The following WASF1 variants were observed in gnomAD, a reference collection of about 807,000 sequenced individuals.
WASF1 encodes actin-binding protein WASF1.
WASF1 carries 7 observed loss-of-function variants against 50.5 expected under a neutral mutation model. The observed-to-expected ratio is 0.14, with a 90% CI of 0.08 to 0.26. WASF1 has a LOEUF of 0.26. Ranked by LOEUF, WASF1 falls within the 10% of genes least tolerant of loss-of-function variation. The pLI, the probability that WASF1 is intolerant of heterozygous loss-of-function variation, is 1.00. For synonymous variants in WASF1, 205 were observed against 244.0 expected (o/e 0.84, Z 1.49); for missense variants, 470 against 694.7 (o/e 0.68, Z 3.64).
chr6:110,146,293 C>G (rs1307897676), intron 3 of WASF1, among the ~76,000 whole-genome samples: 1 of 151,972 alleles, frequency 6.6e-6, no homozygotes, highest in Non-Finnish European at 1.5e-5. Flanking sequence ...AGGGCAAATA[C>G]TTATTAAGAA....
chr6:110,175,936 A>C (rs1471806677), intron 2 of WASF1, among the ~76,000 whole-genome samples: 7 of 152,110 alleles, frequency 4.6e-5, no homozygotes, highest in African/African-American at 9.7e-5. Flanking sequence ...TAATTTTATA[A>C]TTTCTTTAGT....
intron 2 of WASF1, among the ~76,000 whole-genome samples, chr6:110,165,931 T>C (rs1041617157): frequency 1.3e-5 from 2 of 151,734 alleles, no homozygotes; most frequent in African/African-American, 4.8e-5. Context: ...GCAAGATGCA[T>C]GAATTCCAGG....
chr6:110,111,436 C>T (rs1354215050), intron 5 of WASF1, among the ~76,000 whole-genome samples: 2 of 150,648 alleles, frequency 1.3e-5, no homozygotes, highest in Non-Finnish European at 3.0e-5. Flanking sequence ...GGATTTAGAT[C>T]CAGAATATAC....
chr6:110,130,314 G>T (rs192324267), intron 3 of WASF1, among the ~76,000 whole-genome samples: 51 of 152,012 alleles, frequency 3.4e-4, no homozygotes, highest in Non-Finnish European at 6.8e-4. Flanking sequence ...GCCAGAACCC[G>T]TCCACTTTGG....
In WASF1 at chr6:110,105,481, C is replaced by T; in HGVS notation, c.639G>A (p.Leu213=). ...EWQKLAQGPE[L]AEDDANLLHK... ...GTAAGAGATTAGCATCATCTTCAGC[C>T]AGCTCTGGACCTTGGGCCAGCTTCT... Residue 213 remains leucine, a synonymous_variant, in exon 8 of 11, where the codon CTG becomes CTA. Coordinates refer to ENST00000392589, the MANE Select transcript of WASF1 (RefSeq NM_003931.3). The T allele has an allele frequency of 6.2e-7, 1 of 1,614,040 alleles. No homozygotes were observed. The highest frequency in any genetic ancestry group is 1.1e-5 in the South Asian group (1 of 91,074).
At chr6:110,149,178 G>T (rs180957577) in intron 3 of WASF1, among the ~76,000 whole-genome samples, 1 of 152,262 alleles carries the variant, frequency 6.6e-6, no homozygotes, top group African/African-American at 2.4e-5. Context: ...GAAAGCAAGA[G>T]AACATTTAGT....
chr6:110,161,303 A>G (rs1776252852), intron 2 of WASF1, among the ~76,000 whole-genome samples: 1 of 151,632 alleles, frequency 6.6e-6, no homozygotes, highest in Admixed American at 6.6e-5. Context: ...TCTTATTTAG[A>G]AGAAAACATA....
Position 110,107,086 on chromosome 6 carries a change from C to T in WASF1, c.531G>A (p.Arg177=). 6.3e-7 allele frequency: 1 copy of T among 1,597,256 alleles called. No individual in the cohort carries two copies. The highest frequency in any genetic ancestry group is 1.1e-5 in the South Asian group (1 of 87,892). ...QDTEDKRKEK[R]KQKQKNLDRP... ...TAATCTCTTGTAATACCTTCTGCTT[C>T]CTCTTTTCCTTCCTCTTATCCTCTG... is the stretch of plus-strand genomic sequence containing the variant. Residue 177 remains arginine, a synonymous_variant, in exon 7 of 11, where the codon AGG becomes AGA. Coordinates refer to ENST00000392589, the MANE Select transcript of WASF1 (RefSeq NM_003931.3).
At chr6:110,175,539 G>A (rs1776893109) in intron 2 of WASF1, among the ~76,000 whole-genome samples, 1 of 152,100 alleles carries the variant, frequency 6.6e-6, no homozygotes, top group African/African-American at 2.4e-5. Flanking sequence ...GAAAAAAAGG[G>A]GGTTACACCA....
intron 3 of WASF1, among the ~76,000 whole-genome samples, chr6:110,149,309 TCG>T (rs2114575935): frequency 6.6e-6 from 1 of 152,116 alleles, no homozygotes; most frequent in African/African-American, 2.4e-5. Context: ...ATTGCTTTGT[TCG>T]CCTACATCGT....
chr6:110,127,484 G>T lies in WASF1; in HGVS notation c.118C>A (p.Gln40Lys). 1 of 1,601,608 alleles carries T rather than the reference G, an allele frequency of 6.2e-7. No individual in the cohort carries two copies. The highest frequency in any genetic ancestry group is 8.5e-7 in the Non-Finnish European group (1 of 1,174,422). The change falls in exon 4 of 11, where the codon CAA (glutamine) becomes AAA (lysine). Residue 40 changes from glutamine (Q) to lysine (K), a missense_variant. Physicochemically the swap from Gln to Lys is moderately conservative, Grantham distance 53. This residue lies in a region of WASF1 where 140 missense variants were observed against 260.5 expected (regional missense o/e 0.54). Transcript: ENST00000392589. ...TNISLANIIR[Q>K]LSSLSKYAED... ...ATATACTTACTTAGGCTACTTAGTT[G>T]TCTAATTATATTTGCCAAGGAAATA...
chr6:110,142,303 G>A (rs1203683321), intron 3 of WASF1, among the ~76,000 whole-genome samples: 1 of 150,960 alleles, frequency 6.6e-6, no homozygotes, highest in Admixed American at 6.6e-5. Context: ...TATCCAAATC[G>A]CAAAAGAAAA....
chr6:110,105,636 A>G, intron 7 of WASF1, 57 bp from the exon 8 acceptor site: 3 of 1,523,496 alleles, frequency 2.0e-6, no homozygotes, highest in Middle Eastern at 1.7e-4. Flanking sequence ...TTTAAAAAGG[A>G]GGTTATAACA....
intron 4 of WASF1, among the ~76,000 whole-genome samples, chr6:110,124,225 T>TCTCC (rs1562170207): frequency 4.0e-5 from 2 of 49,802 alleles, no homozygotes; most frequent in African/African-American, 2.8e-4. Flanking sequence ...CTCCTCTCTC[T>TCTCC]CCTCTCTCTC....
At chr6:110,162,979 C>G (rs1248929498) in intron 2 of WASF1, among the ~76,000 whole-genome samples, 1 of 151,534 alleles carries the variant, frequency 6.6e-6, no homozygotes. Context: ...TAATTGTCTA[C>G]ACAGAAAATC....
At chr6:110,113,839 C>A (rs116735581) in intron 4 of WASF1, among the ~76,000 whole-genome samples, 2 of 151,224 alleles carry the variant, frequency 1.3e-5, no homozygotes, top group Admixed American at 6.6e-5. Flanking sequence ...AAATACTAGA[C>A]TATTTTATCA....
chr6:110,163,440 G>A (rs528955894), intron 2 of WASF1, among the ~76,000 whole-genome samples: 1 of 151,526 alleles, frequency 6.6e-6, no homozygotes, highest in Non-Finnish European at 1.5e-5. Flanking sequence ...GTTCTCATAT[G>A]GCAGAAAGCT....
At chr6:110,121,395 A>T (rs1337048840) in intron 4 of WASF1, among the ~76,000 whole-genome samples, 1 of 152,246 alleles carries the variant, frequency 6.6e-6, no homozygotes, top group African/African-American at 2.4e-5. Flanking sequence ...GCACTTCCCA[A>T]AAGAAGACAT....
chr6:110,136,996 T>A (rs1774998054), intron 3 of WASF1, among the ~76,000 whole-genome samples: 1 of 152,228 alleles, frequency 6.6e-6, no homozygotes, highest in African/African-American at 2.4e-5. Flanking sequence ...ATCTTCATGA[T>A]TGATTTCTGT....
Sources: allele counts gnomAD v4.1 joint callset (sites outside exome capture counted in the v4.1 genomes callset), GRCh38; gene constraint gnomAD v4.1.1; regional missense constraint gnomAD v4.1.1; transcripts MANE v1.5; gene names NCBI Gene and HGNC (gene_info 2026-07-23, HGNC 2026-07-21).